The following CSMD1 variants were observed in gnomAD, a reference collection of about 807,000 sequenced individuals.
CSMD1 encodes CUB and sushi domain-containing protein 1.
In CSMD1, 213 loss-of-function variants were observed where a neutral mutation model predicts 417.5. The observed-to-expected ratio is 0.51, with a 90% CI of 0.46 to 0.57. CSMD1 has a LOEUF of 0.57. Among genes scored for constraint, CSMD1 ranks in the 20% least tolerant of loss-of-function variants. The pLI, the probability that CSMD1 is intolerant of heterozygous loss-of-function variation, is 0.00. For missense variants in CSMD1, 6,923 were observed against 4,529.7 expected, an observed-to-expected ratio of 1.53 and a Z score of -15.17; for synonymous variants, 2,862 against 1,736.8, an observed-to-expected ratio of 1.65 and a Z score of -16.11.
intron 2 of CSMD1, among the ~76,000 whole-genome samples, chr8:4,448,359 A>G (rs182300718): frequency 4.0e-4 from 61 of 152,310 alleles, no homozygotes; most frequent in African/African-American, 1.2e-3. Flanking sequence ...TAACTCAATT[A>G]ACAGGGAATA....
intron 3 of CSMD1, among the ~76,000 whole-genome samples, chr8:4,166,496 A>T (rs1439727827): frequency 6.6e-6 from 1 of 152,212 alleles, no homozygotes; most frequent in Non-Finnish European, 1.5e-5. Flanking sequence ...TAAGTTAAGT[A>T]ACTCAGGAAT....
intron 3 of CSMD1, among the ~76,000 whole-genome samples, chr8:4,214,150 C>G (rs1049865385): frequency 6.6e-6 from 1 of 152,218 alleles, no homozygotes; most frequent in East Asian, 1.9e-4. Context: ...GTTCTTGGAT[C>G]TCTACTTTGT....
intron 3 of CSMD1, among the ~76,000 whole-genome samples, chr8:4,094,598 G>C (rs544559668): frequency 1.6e-4 from 25 of 152,162 alleles, no homozygotes; most frequent in Non-Finnish European, 3.2e-4. Flanking sequence ...TGCTGTGCTT[G>C]TGTAGGTCAG....
At chr8:3,235,344 C>G (rs371414084) in intron 26 of CSMD1, among the ~76,000 whole-genome samples, 1 of 152,124 alleles carries the variant, frequency 6.6e-6, no homozygotes, top group Non-Finnish European at 1.5e-5. Flanking sequence ...ATATAATACT[C>G]ACTACTAGGA....
chr8:4,846,620 A>C (rs1801163215), intron 1 of CSMD1, among the ~76,000 whole-genome samples: 2 of 152,194 alleles, frequency 1.3e-5, no homozygotes, highest in Non-Finnish European at 2.9e-5. Flanking sequence ...TACTCCAGCA[A>C]TTCCTAGAAA....
Position 4,171,711 on chromosome 8 carries a change from T to C in CSMD1, c.416-139612A>G, listed in dbSNP as rs145064244. Among the ~76,000 whole-genome samples the C allele has an allele frequency of 2.0e-5, 3 of 152,316 alleles. No individual in the cohort carries two copies. In the East Asian group the frequency reaches 5.8e-4, roughly 29 times the overall value. On this transcript the variant is annotated intron_variant, in intron 3 of 69. Transcript: ENST00000635120. ...CAAAGTTAATTTGCTTATTCTGATATTTATGTGCCAAGCTTCTGAAATTTT... is the reference window on the plus strand; with the variant it reads ...CAAAGTTAATTTGCTTATTCTGATACTTATGTGCCAAGCTTCTGAAATTTT...
intron 64 of CSMD1, among the ~76,000 whole-genome samples, chr8:2,954,930 C>T (rs925163434): frequency 1.1e-4 from 16 of 152,158 alleles, no homozygotes; most frequent in Non-Finnish European, 5.9e-5. Context: ...CTGTCTCACA[C>T]GCCATCATTT....
intron 3 of CSMD1, among the ~76,000 whole-genome samples, chr8:4,378,294 G>A (rs79229105): frequency 1.3e-5 from 2 of 152,160 alleles, no homozygotes; most frequent in Non-Finnish European, 2.9e-5. Flanking sequence ...TCCATGCAAA[G>A]TAACTATTAA....
chr8:3,932,997 A>T (rs2129670128), intron 5 of CSMD1, among the ~76,000 whole-genome samples: 1 of 149,988 alleles, frequency 6.7e-6, no homozygotes, highest in African/African-American at 2.5e-5. Flanking sequence ...AACTTTTTAA[A>T]TGTTTAACAT....
chr8:4,121,648 T>C (rs1407158354), intron 3 of CSMD1, among the ~76,000 whole-genome samples: 3 of 151,876 alleles, frequency 2.0e-5, no homozygotes, highest in Non-Finnish European at 4.4e-5. Context: ...GTGGGAATTC[T>C]TAGGAAACTA....
At chr8:3,372,465 G>A (rs981052613) in intron 18 of CSMD1, among the ~76,000 whole-genome samples, 1 of 152,154 alleles carries the variant, frequency 6.6e-6, no homozygotes, top group Non-Finnish European at 1.5e-5. Flanking sequence ...CAGTGGTGAA[G>A]GGAGGAAGGT....
intron 1 of CSMD1, among the ~76,000 whole-genome samples, chr8:4,923,126 T>A (rs1806607724): frequency 6.6e-6 from 1 of 152,154 alleles, no homozygotes; most frequent in African/African-American, 2.4e-5. Flanking sequence ...AGCATGGAAT[T>A]AGGGGAAATA....
At chr8:4,420,853 C>T (rs1043604905) in intron 2 of CSMD1, among the ~76,000 whole-genome samples, 2 of 152,164 alleles carry the variant, frequency 1.3e-5, no homozygotes, top group East Asian at 1.9e-4. Context: ...ATAAAATCCA[C>T]AAACTCCTGT....
In CSMD1 at chr8:4,321,534, G is replaced by A. The variant is rs568237928; in HGVS notation, c.415+98419C>T. The stretch of plus-strand genomic sequence containing the variant: ...GGGATGTGTTAAGGATTAAAGGGAT[G>A]AGTATCTGGTATATCACAGATATAA... On this transcript the variant is annotated intron_variant, in intron 3 of 69. Coordinates refer to ENST00000635120, the MANE Select transcript of CSMD1 (RefSeq NM_033225.6). 1.1e-4 allele frequency among the ~76,000 whole-genome samples: 16 copies of A among 152,140 alleles called. 1 individual carries two copies. Among genetic ancestry groups the A allele is most frequent in the African/African-American group, 3.9e-4 (16 of 41,454 alleles).
At chr8:4,537,302 T>C (rs889184701) in intron 2 of CSMD1, among the ~76,000 whole-genome samples, 7 of 152,242 alleles carry the variant, frequency 4.6e-5, no homozygotes, top group Non-Finnish European at 1.0e-4. Context: ...TATCTTTTTA[T>C]AAATGCTGTT....
chr8:4,849,885 TA>T (rs1801367003), intron 1 of CSMD1, among the ~76,000 whole-genome samples: 1 of 152,222 alleles, frequency 6.6e-6, no homozygotes, highest in Admixed American at 6.5e-5. Flanking sequence ...TGCTCATGGG[TA>T]TATTAGAAAT....
intron 1 of CSMD1, among the ~76,000 whole-genome samples, chr8:4,754,185 C>T (rs768929164): frequency 6.6e-6 from 1 of 152,116 alleles, no homozygotes; most frequent in Non-Finnish European, 1.5e-5. Context: ...GAAACCTGTG[C>T]ACTCCACCAT....
chr8:3,191,904 C>A lies in CSMD1; in HGVS notation c.5195-1789G>T, dbSNP rs556133536. 1.5e-4 allele frequency among the ~76,000 whole-genome samples: 23 copies of A among 152,292 alleles called. No individual in the cohort carries two copies. The East Asian group carries it at 4.1e-3, about 27-fold the overall frequency. ...TCCTTGTGTTTCTTCATCCTAAATGCACAGTCCTTTAGCAGAATGTTCTCG... is the reference window on the plus strand; with the variant it reads ...TCCTTGTGTTTCTTCATCCTAAATGAACAGTCCTTTAGCAGAATGTTCTCG... On this transcript the variant is annotated intron_variant, in intron 33 of 69. Coordinates refer to ENST00000635120, the MANE Select transcript of CSMD1 (RefSeq NM_033225.6).
At chr8:3,631,829 G>C (rs917182980) in intron 7 of CSMD1, among the ~76,000 whole-genome samples, 1 of 152,214 alleles carries the variant, frequency 6.6e-6, no homozygotes, top group African/African-American at 2.4e-5. Context: ...CAAGTGACTT[G>C]ACATTCTTAA....
Sources: gnomAD v4.1 joint callset for allele counts (sites outside exome capture counted in the v4.1 genomes callset) on GRCh38, gnomAD v4.1.1 for gene constraint, MANE v1.5 for transcripts, NCBI Gene and HGNC (gene_info 2026-07-23, HGNC 2026-07-21) for gene names.